CCDC85A: variants seen among roughly 807,000 people sequenced by gnomAD.
CCDC85A encodes coiled-coil domain-containing protein 85A.
Under a neutral mutation model 50.2 loss-of-function variants are expected in CCDC85A, and 38 were observed. The observed-to-expected ratio is 0.76, with a 90% confidence interval of 0.58 to 0.99. The LOEUF (loss-of-function observed/expected upper bound fraction) is 0.99, where lower values mean the gene tolerates loss of function less well. CCDC85A is among the 50% of genes least tolerant of loss of function. The pLI is 0.00. For missense variants in CCDC85A, 820 were observed against 742.0 expected, an observed-to-expected ratio of 1.11 and a Z score of -1.22; for synonymous variants, 366 against 301.4, an observed-to-expected ratio of 1.21 and a Z score of -2.22.
intron 5 of CCDC85A, among the ~76,000 whole-genome samples, chr2:56,381,958 C>A (rs531575857): frequency 9.9e-5 from 15 of 151,884 alleles, no homozygotes; most frequent in African/African-American, 3.4e-4. Flanking sequence ...AAAAGCTTGC[C>A]CCCCTTGTTT....
chr2:56,264,530 T>C (rs376456761), intron 2 of CCDC85A, among the ~76,000 whole-genome samples: 8 of 152,220 alleles, frequency 5.3e-5, no homozygotes, highest in African/African-American at 1.9e-4. Context: ...GTTCTACCTA[T>C]ACTGCCAACA....
At position 56,343,575 on chromosome 2, in the gene CCDC85A, T is replaced by G. The variant is rs1311750414; in HGVS notation, c.1317+620T>G. Among the ~76,000 whole-genome samples the G allele has an allele frequency of 2.0e-5, 3 of 152,218 alleles. No individual in the cohort carries two copies. The East Asian group carries it at 5.8e-4, about 29-fold the overall frequency. ...AAATTCTTTCCATGGGCTGTTAACT[T>G]GATGAGAATGATGCTGGTCTTTTGA... On this transcript the variant is annotated intron_variant, in intron 3 of 5. Coordinates refer to ENST00000407595, the MANE Select transcript of CCDC85A (RefSeq NM_001080433.2).
At chr2:56,187,547 A>C (rs1169579033) in intron 1 of CCDC85A, among the ~76,000 whole-genome samples, 1 of 151,674 alleles carries the variant, frequency 6.6e-6, no homozygotes, top group East Asian at 1.9e-4. Context: ...CAATTGTTAA[A>C]CTCTCTGTCT....
rs566765079 is a variant in CCDC85A, at chr2:56,219,384, A to G, written c.1240+25944A>G. The stretch of plus-strand genomic sequence containing the variant: ...AACAAGACAGCATTAAAAATAGTCC[A>G]TGATCTTGCATTTTAAAGTCAGTTG... On this transcript the variant is annotated intron_variant, in intron 2 of 5. Coordinates refer to ENST00000407595, the MANE Select transcript of CCDC85A (RefSeq NM_001080433.2). 2.0e-5 allele frequency among the ~76,000 whole-genome samples: 3 copies of G among 151,760 alleles called. No homozygotes were observed. The South Asian group carries it at 6.2e-4, about 32-fold the overall frequency.
chr2:56,201,077 CACACACACA>C (rs1189111615), intron 2 of CCDC85A, among the ~76,000 whole-genome samples: 2 of 7,834 alleles, frequency 2.6e-4, no homozygotes, highest in Admixed American at 2.0e-3. Context: ...CATCTCTCTC[CACACACACA>C]CACACACACA....
intron 2 of CCDC85A, among the ~76,000 whole-genome samples, chr2:56,213,132 G>A (rs1040600926): frequency 1.3e-5 from 2 of 151,968 alleles, no homozygotes; most frequent in Non-Finnish European, 2.9e-5. Context: ...AAAGAAACGA[G>A]AAGTGAAGAG....
intron 2 of CCDC85A, among the ~76,000 whole-genome samples, chr2:56,324,173 C>T (rs1163176698): frequency 6.6e-6 from 1 of 152,084 alleles, no homozygotes; most frequent in African/African-American, 2.4e-5. Flanking sequence ...CTCAGTAAAT[C>T]TGCTAAGCCA....
At chr2:56,190,440 G>A (rs1676246583) in intron 1 of CCDC85A, among the ~76,000 whole-genome samples, 1 of 152,186 alleles carries the variant, frequency 6.6e-6, no homozygotes. Context: ...CATAGATGAG[G>A]TCTCTGTTCT....
chr2:56,383,475 T>C, intron 5 of CCDC85A: 1 of 468,356 alleles, frequency 2.1e-6, no homozygotes, highest in Non-Finnish European at 2.8e-6. Flanking sequence ...TCGGTAGTTT[T>C]ACGTTTATGC....
Position 56,339,399 on chromosome 2 carries a change from C to T in CCDC85A, c.1241-3480C>T, listed in dbSNP as rs143636919. 3.4e-3 allele frequency among the ~76,000 whole-genome samples: 518 copies of T among 152,184 alleles called. 3 individuals carry two copies. The highest frequency in any genetic ancestry group is 0.011 in the African/African-American group (459 of 41,514). ...ATTTTCCAAACTCAGGAATTTACCC[C>T]TTTTTTCCTGAACTGACATAATACT... On this transcript the variant is annotated intron_variant, in intron 2 of 5. Coordinates refer to ENST00000407595, the MANE Select transcript of CCDC85A (RefSeq NM_001080433.2).
intron 3 of CCDC85A, among the ~76,000 whole-genome samples, chr2:56,360,196 G>T (rs1172128503): frequency 1.7e-4 from 26 of 152,218 alleles, no homozygotes; most frequent in Non-Finnish European, 1.5e-5. Context: ...CACAATGCTT[G>T]GTCAGTGACT....
At chr2:56,355,958 G>T (rs1396115201) in intron 3 of CCDC85A, among the ~76,000 whole-genome samples, 1 of 152,226 alleles carries the variant, frequency 6.6e-6, no homozygotes, top group Non-Finnish European at 1.5e-5. Context: ...TCTAAGAAGG[G>T]AGGCTTTTTA....
At chr2:56,241,227 T>G (rs977039187) in intron 2 of CCDC85A, among the ~76,000 whole-genome samples, 1 of 152,198 alleles carries the variant, frequency 6.6e-6, no homozygotes, top group African/African-American at 2.4e-5. Flanking sequence ...GCATATGAGA[T>G]ATTTTGATAC....
At position 56,321,946 on chromosome 2, in the gene CCDC85A, T is replaced by G. The variant is rs566048190; in HGVS notation, c.1241-20933T>G. ...CGTGGTACTGGTACCAAAACAGAGATATAGACCAATGGAACAGAATAGAGC... is the reference window on the plus strand; with the variant it reads ...CGTGGTACTGGTACCAAAACAGAGAGATAGACCAATGGAACAGAATAGAGC... On this transcript the variant is annotated intron_variant, in intron 2 of 5. Coordinates refer to ENST00000407595, the MANE Select transcript of CCDC85A (RefSeq NM_001080433.2). Among the ~76,000 whole-genome samples, 5 of 152,202 alleles carry G rather than the reference T, an allele frequency of 3.3e-5. No homozygotes were observed. The South Asian group carries it at 8.3e-4, about 25-fold the overall frequency.
chr2:56,241,906 T>A (rs1669273962), intron 2 of CCDC85A, among the ~76,000 whole-genome samples: 1 of 152,174 alleles, frequency 6.6e-6, no homozygotes, highest in African/African-American at 2.4e-5. Context: ...AACCTCCAAA[T>A]TGTTCTTCAT....
intron 2 of CCDC85A, among the ~76,000 whole-genome samples, chr2:56,204,498 T>A (rs1482589720): frequency 6.6e-6 from 1 of 152,150 alleles, no homozygotes. Flanking sequence ...AGGCAGGTTT[T>A]GGGTGAGGAA....
intron 2 of CCDC85A, among the ~76,000 whole-genome samples, chr2:56,277,476 T>C (rs1481964811): frequency 6.6e-6 from 1 of 152,196 alleles, no homozygotes; most frequent in Non-Finnish European, 1.5e-5. Flanking sequence ...AGAGATTCTT[T>C]TTTCTTTCCA....
intron 3 of CCDC85A, among the ~76,000 whole-genome samples, chr2:56,372,044 A>T (rs1454669571): frequency 6.6e-6 from 1 of 152,172 alleles, no homozygotes; most frequent in Non-Finnish European, 1.5e-5. Context: ...AAAACCCATA[A>T]AATAAAGTTG....
chr2:56,326,153 T>C (rs1270308281), intron 2 of CCDC85A, among the ~76,000 whole-genome samples: 2 of 152,118 alleles, frequency 1.3e-5, no homozygotes, highest in Non-Finnish European at 2.9e-5. Flanking sequence ...GCTGCAGAAA[T>C]GGGCTTTGCT....
Sources: gnomAD v4.1 joint callset for allele counts (sites outside exome capture counted in the v4.1 genomes callset) on GRCh38, gnomAD v4.1.1 for gene constraint, MANE v1.5 for transcripts, NCBI Gene and HGNC (gene_info 2026-07-23, HGNC 2026-07-21) for gene names.